The following SPMIP2 variants were observed in gnomAD, a reference collection of about 807,000 sequenced individuals.
SPMIP2 encodes sperm microtubule inner protein 2.
chr4:159,010,644 C>T, the SPMIP2 span, among the ~76,000 whole-genome samples: 1 of 152,148 alleles, frequency 6.6e-6, no homozygotes, highest in African/African-American at 2.4e-5. Flanking sequence ...CATGCATAAC[C>T]AAAAATAATG....
the SPMIP2 span, among the ~76,000 whole-genome samples, chr4:159,031,183 G>A: frequency 6.6e-6 from 1 of 152,154 alleles, no homozygotes; most frequent in African/African-American, 2.4e-5. Flanking sequence ...TTAGAAAGGT[G>A]GTAAGTGATG....
At chr4:158,907,306 A>G in the SPMIP2 span, 3 of 152,300 alleles carry the variant, frequency 2.0e-5, no homozygotes, top group South Asian at 2.1e-4. Context: ...ACAGGCTTCA[A>G]TCCATTTTTC....
At chr4:158,894,112 G>A in the SPMIP2 span, among the ~76,000 whole-genome samples, 1 of 150,678 alleles carries the variant, frequency 6.6e-6, no homozygotes, top group Non-Finnish European at 1.5e-5. Context: ...AGAAAGAGGA[G>A]TTTAAAAAGC....
the SPMIP2 span, among the ~76,000 whole-genome samples, chr4:158,947,318 T>A: frequency 6.6e-6 from 1 of 152,206 alleles, no homozygotes; most frequent in Non-Finnish European, 1.5e-5. Flanking sequence ...AAATAGTGGC[T>A]GACCTTAAGT....
chr4:159,011,718 C>T, the SPMIP2 span, among the ~76,000 whole-genome samples: 1 of 142,816 alleles, frequency 7.0e-6, no homozygotes. Context: ...TGCACCATTG[C>T]ACTCCAGCCC....
At chr4:158,933,034 C>T in the SPMIP2 span, among the ~76,000 whole-genome samples, 1 of 152,176 alleles carries the variant, frequency 6.6e-6, no homozygotes, top group Non-Finnish European at 1.5e-5. Context: ...TACAGAGTCT[C>T]GCTCTGTCAC....
At chr4:158,918,647 G>A in the SPMIP2 span, among the ~76,000 whole-genome samples, 1 of 152,234 alleles carries the variant, frequency 6.6e-6, no homozygotes, top group East Asian at 1.9e-4. Flanking sequence ...CTGAAATTGG[G>A]AACACCAGAA....
chr4:158,926,369 G>C, the SPMIP2 span, among the ~76,000 whole-genome samples: 1 of 151,432 alleles, frequency 6.6e-6, no homozygotes, highest in African/African-American at 2.4e-5. Context: ...CATCCCTAAA[G>C]TTTTCATGTG....
the SPMIP2 span, among the ~76,000 whole-genome samples, chr4:158,957,177 A>C: frequency 6.6e-6 from 1 of 152,160 alleles, no homozygotes; most frequent in Non-Finnish European, 1.5e-5. Context: ...GAATGATCTT[A>C]ACAAAACAGG....
the SPMIP2 span, among the ~76,000 whole-genome samples, chr4:158,979,789 G>T: frequency 3.8e-5 from 4 of 104,506 alleles, no homozygotes; most frequent in South Asian, 3.0e-4. Context: ...AGTTGCAAGA[G>T]TTTTTTTTTT....
chr4:159,000,668 A>G, the SPMIP2 span, among the ~76,000 whole-genome samples: 4,801 of 151,642 alleles, frequency 0.032, 237 homozygotes, highest in African/African-American at 0.11. Context: ...TAGTTTTTGT[A>G]TTTTTAGTAG....
At chr4:159,038,253 T>C in the SPMIP2 span, among the ~76,000 whole-genome samples, 1 of 152,230 alleles carries the variant, frequency 6.6e-6, no homozygotes, top group African/African-American at 2.4e-5. Flanking sequence ...CCATTTTGTA[T>C]TCTCATCCAC....
the SPMIP2 span, among the ~76,000 whole-genome samples, chr4:158,931,228 T>TC: frequency 3.6e-3 from 548 of 152,312 alleles, 3 homozygotes; most frequent in African/African-American, 0.012. Flanking sequence ...AGTAAATTCT[T>TC]TATTTTTTAT....
the SPMIP2 span, among the ~76,000 whole-genome samples, chr4:158,947,438 T>C: frequency 6.6e-6 from 1 of 152,322 alleles, no homozygotes; most frequent in East Asian, 1.9e-4. Context: ...TACACCTTTC[T>C]GAATAAACAA....
At chr4:158,939,133 G>C in the SPMIP2 span, among the ~76,000 whole-genome samples, 1 of 152,172 alleles carries the variant, frequency 6.6e-6, no homozygotes, top group Non-Finnish European at 1.5e-5. Context: ...GTGTTTCTGT[G>C]AGCTGATCGG....
At chr4:159,020,147 G>T in the SPMIP2 span, among the ~76,000 whole-genome samples, 3 of 151,830 alleles carry the variant, frequency 2.0e-5, no homozygotes, top group Admixed American at 2.0e-4. Context: ...TTCCCTAAAT[G>T]TCCTTTGGTA....
the SPMIP2 span, among the ~76,000 whole-genome samples, chr4:158,979,789 GTTTTTTT>G: frequency 6.7e-5 from 7 of 104,510 alleles, no homozygotes; most frequent in East Asian, 2.7e-4. Flanking sequence ...AGTTGCAAGA[GTTTTTTT>G]TTTTTTTTTT....
the SPMIP2 span, among the ~76,000 whole-genome samples, chr4:158,943,367 T>C: frequency 1.3e-5 from 2 of 152,198 alleles, no homozygotes; most frequent in Admixed American, 6.5e-5. Context: ...TACAGAACAA[T>C]TGGATAACCT....
chr4:158,948,358 T>C, the SPMIP2 span, among the ~76,000 whole-genome samples: 1 of 152,158 alleles, frequency 6.6e-6, no homozygotes, highest in East Asian at 1.9e-4. Flanking sequence ...TTTTCTTTTT[T>C]TCTACCTTCC....
Sources: gnomAD v4.1 joint callset for allele counts (sites outside exome capture counted in the v4.1 genomes callset) on GRCh38, gnomAD v4.1.1 for gene constraint, MANE v1.5 for transcripts, NCBI Gene and HGNC (gene_info 2026-07-23, HGNC 2026-07-21) for gene names.